ZNF607: variants seen among roughly 807,000 people sequenced by gnomAD.
ZNF607 encodes the protein zinc finger protein 607.
Under a neutral mutation model 12.8 loss-of-function variants are expected in ZNF607, and 5 were observed. The observed-to-expected ratio is 0.39, with a 90% CI of 0.20 to 0.82. The LOEUF is 0.82. Among genes scored for constraint, ZNF607 ranks in the 40% least tolerant of loss-of-function variants. The probability of loss-of-function intolerance (pLI) is 0.39; values close to 1 mark genes in which losing one functional copy is unlikely to be tolerated. For missense variants in ZNF607, 851 were observed against 859.2 expected, an observed-to-expected ratio of 0.99 and a Z score of 0.12; for synonymous variants, 287 against 276.2, an observed-to-expected ratio of 1.04 and a Z score of -0.39.
Position 37,707,980 on chromosome 19 carries a change from T to C in ZNF607, c.169A>G (p.Thr57Ala). ...GHSVSKPDLITLLEQGKEPWM... is the reference protein window; with the variant it reads ...GHSVSKPDLIALLEQGKEPWM... ...GGCTCTTTTCCTTGCTCCAATAAGGTGATTAAATCTGGCTTAGATACGGAA... is the reference window on the plus strand; with the variant it reads ...GGCTCTTTTCCTTGCTCCAATAAGGCGATTAAATCTGGCTTAGATACGGAA... Residue 57 changes from threonine (T) to alanine (A), a missense_variant, in exon 4 of 5, where the codon ACC becomes GCC. Thr to Ala is a moderately conservative substitution (Grantham distance 58). Transcript: ENST00000355202. 6.2e-7 allele frequency: 1 copy of C among 1,613,870 alleles called. No individual in the cohort carries two copies. Among genetic ancestry groups the C allele is most frequent in the Non-Finnish European group, 8.5e-7 (1 of 1,179,908 alleles).
chr19:37,708,559 C>T (rs1196045535), intron 3 of ZNF607, among the ~76,000 whole-genome samples: 2 of 151,490 alleles, frequency 1.3e-5, no homozygotes, highest in African/African-American at 2.4e-5. Flanking sequence ...GTTGAAAACA[C>T]ATACTCTAAA....
intron 1 of ZNF607, among the ~76,000 whole-genome samples, chr19:37,713,800 A>T (rs929726860): frequency 6.6e-6 from 1 of 152,208 alleles, no homozygotes; most frequent in African/African-American, 2.4e-5. Flanking sequence ...AAAAGGAAAT[A>T]ACGATAGAAG....
rs2044987360 is a variant in ZNF607 at position 37,697,577 on chromosome 19, A to G, written c.*463T>C. On this transcript the variant is annotated 3_prime_UTR_variant, in exon 5 of 5. Coordinates refer to ENST00000355202, the MANE Select transcript of ZNF607 (RefSeq NM_032689.5). ...CAGCTATAGGAAGCAGATGTTGATC[A>G]TGAGCATTAAATATGCAGAGTGGCT... The G allele has an allele frequency of 2.1e-6, 1 of 480,558 alleles. No homozygotes were observed. The highest frequency in any genetic ancestry group is 3.8e-6 in the Non-Finnish European group (1 of 262,364). The allele number at this position is 480,558 out of a possible 1,614,324, so 29.8% of individuals were successfully genotyped here. A position where few individuals can be genotyped will look rare whatever the true frequency, so the allele number is the denominator to read the frequency against.
chr19:37,717,208 C>T (rs771108256), intron 1 of ZNF607, among the ~76,000 whole-genome samples: 5 of 152,066 alleles, frequency 3.3e-5, no homozygotes, highest in Non-Finnish European at 4.4e-5. Context: ...TTTTTTGAGA[C>T]GGAGTCTCGC....
At chr19:37,706,575 G>A (rs1336576636) in intron 4 of ZNF607, 1 of 152,178 alleles carries the variant, frequency 6.6e-6, no homozygotes, top group Admixed American at 6.5e-5. Context: ...TTTTTACTCT[G>A]TAGCTCTGCT....
intron 4 of ZNF607, 73 bp from the exon 5 acceptor site, chr19:37,699,968 C>T: frequency 7.5e-7 from 1 of 1,334,540 alleles, no homozygotes; most frequent in South Asian, 1.5e-5. Context: ...AAGAGAAATT[C>T]TCACCTATTA....
intron 4 of ZNF607, among the ~76,000 whole-genome samples, chr19:37,703,142 G>A (rs139233159): frequency 0.028 from 4,265 of 151,642 alleles, 81 homozygotes; most frequent in Middle Eastern, 0.058. Flanking sequence ...AGTAGAGACG[G>A]GGTTTCTCCA....
rs143234011 is a variant in ZNF607, at chr19:37,698,363, C to T, written c.1768G>A (p.Glu590Lys). 2 of 1,613,966 alleles carry T rather than the reference C, an allele frequency of 1.2e-6. No individual in the cohort carries two copies. Among genetic ancestry groups the T allele is most frequent in the African/African-American group, 2.7e-5 (2 of 74,908 alleles). The change falls in exon 5 of 5, where the codon GAA becomes AAA. Residue 590 changes from glutamate to lysine, a missense_variant. Physicochemically the swap from Glu to Lys is moderately conservative, Grantham distance 56. Transcript: ENST00000355202. ...DRTHAGEKSY[E>K]CKECGETFSH... ...AAAGTTTCCCCACATTCTTTACATT[C>T]ATAGGACTTTTCACCAGCATGAGTT...
intron 4 of ZNF607, among the ~76,000 whole-genome samples, chr19:37,700,217 G>A (rs1789089004): frequency 6.6e-6 from 1 of 152,044 alleles, no homozygotes; most frequent in East Asian, 1.9e-4. Context: ...TGCATAACTG[G>A]CTCTAGAATG....
Position 37,711,645 on chromosome 19 carries a change from G to C in ZNF607, c.-27C>G, listed in dbSNP as rs2045134374. The C allele has an allele frequency of 6.2e-7, 1 of 1,613,300 alleles. No individual in the cohort carries two copies. On this transcript the variant is annotated 5_prime_UTR_variant, in exon 2 of 5. Transcript: ENST00000355202. The stretch of plus-strand genomic sequence containing the variant: ...GTTTGAGACTGGCAAGAGTTGATCA[G>C]TCCTTGGCGTTTCTCTACCAGAAGA...
chr19:37,710,369 G>A (rs2045122824), intron 2 of ZNF607, among the ~76,000 whole-genome samples: 1 of 151,858 alleles, frequency 6.6e-6, no homozygotes, highest in Admixed American at 6.6e-5. Flanking sequence ...AGGAGGCTGA[G>A]GCAGGAGAAT....
At chr19:37,707,715 C>T (rs527593330) in intron 4 of ZNF607, among the ~76,000 whole-genome samples, 199 bp downstream of exon 4, 1 of 152,306 alleles carries the variant, frequency 6.6e-6, no homozygotes, top group East Asian at 1.9e-4. Context: ...GCTGGGATTA[C>T]AAGCGTGAGC....
chr19:37,699,571 T>G lies in ZNF607; in HGVS notation c.560A>C (p.Gln187Pro). 6.2e-7 allele frequency: 1 copy of G among 1,614,086 alleles called. No individual in the cohort carries two copies. Among genetic ancestry groups the G allele is most frequent in the Non-Finnish European group, 8.5e-7 (1 of 1,180,000 alleles). Residue 187 changes from glutamine to proline, a missense_variant, in exon 5 of 5, where the codon CAA becomes CCA. Coordinates refer to ENST00000355202, the MANE Select transcript of ZNF607 (RefSeq NM_032689.5). ...KVFSYPANLA[Q>P]HGKVHVEKPY... ...TTTCTCAACATGAACTTTCCCATGT[T>G]GAGCAAGGTTTGCAGGATAACTGAA...
chr19:37,698,806 A>G lies in ZNF607; in HGVS notation c.1325T>C (p.Ile442Thr). ...TTCAAAGGGTTTGTAACCAGTATGA[A>G]TTCTGTTATGATGGGCAAGGTGTGC... The part of the protein sequence containing the change: ...QRAHLAHHNR[I>T]HTGYKPFECK... The change falls in exon 5 of 5, where the codon ATT (isoleucine) becomes ACT (threonine). Residue 442 changes from isoleucine (I) to threonine (T), a missense_variant. Physicochemically the swap from Ile to Thr is moderately conservative, Grantham distance 89. Transcript: ENST00000355202. The G allele has an allele frequency of 6.2e-7, 1 of 1,613,704 alleles. No individual in the cohort carries two copies. The highest frequency in any genetic ancestry group is 8.5e-7 in the Non-Finnish European group (1 of 1,179,794).
chr19:37,708,075 A>G, intron 3 of ZNF607, 63 bp from the exon 4 acceptor site: 1 of 1,349,786 alleles, frequency 7.4e-7, no homozygotes, highest in East Asian at 2.3e-5. Flanking sequence ...ATTTAAAATT[A>G]CAATTGCAAT....
In ZNF607 at chr19:37,696,910, G is replaced by C; in HGVS notation, c.*1130C>G. The C allele has an allele frequency of 1.2e-5, 8 of 676,552 alleles. No individual in the cohort carries two copies. The South Asian group carries it at 1.3e-4, about 11-fold the overall frequency. The allele number at this position is 676,552 out of a possible 1,614,324, so 41.9% of individuals were successfully genotyped here. ...AGATGTGTCAAAGACACGTCGTCCA[G>C]AATGAGCCCAAAGGTGGCTGCTCAC... is the stretch of plus-strand genomic sequence containing the variant. On this transcript the variant is annotated 3_prime_UTR_variant, in exon 5 of 5. Coordinates refer to ENST00000355202, the MANE Select transcript of ZNF607 (RefSeq NM_032689.5).
intron 1 of ZNF607, among the ~76,000 whole-genome samples, chr19:37,717,335 A>G (rs1163191399): frequency 6.6e-6 from 1 of 151,864 alleles, no homozygotes; most frequent in South Asian, 2.1e-4. Context: ...ACAGGCGCCC[A>G]CCACCACGCC....
intron 3 of ZNF607, among the ~76,000 whole-genome samples, chr19:37,708,300 A>G (rs1224994436): frequency 2.6e-5 from 4 of 151,324 alleles, no homozygotes; most frequent in Non-Finnish European, 4.4e-5. Context: ...GGTTAAAGTG[A>G]TTCTCCTGCC....
At chr19:37,712,630 C>T (rs1469589180) in intron 1 of ZNF607, among the ~76,000 whole-genome samples, 3 of 152,178 alleles carry the variant, frequency 2.0e-5, no homozygotes, top group Admixed American at 2.0e-4. Context: ...CTTTGCTTAG[C>T]AACTTCCCAT....
Sources: allele counts gnomAD v4.1 joint callset (sites outside exome capture counted in the v4.1 genomes callset), GRCh38; gene constraint gnomAD v4.1.1; transcripts MANE v1.5; gene names NCBI Gene and HGNC (gene_info 2026-07-23, HGNC 2026-07-21).